Variants in UGT2A1 observed in about 807,000 individuals in gnomAD.
UGT2A1 encodes UDP-glucuronosyltransferase 2A1.
Under a neutral mutation model 45.4 loss-of-function variants are expected in UGT2A1, and 61 were observed. The ratio of observed to expected loss-of-function variants is 1.34; its 90% CI spans 1.09 to 1.66. The LOEUF is 1.66. UGT2A1 is among the 40% of genes most tolerant of loss of function. UGT2A1 has a pLI of 0.00. For missense variants in UGT2A1, 649 were observed against 574.3 expected (o/e 1.13, Z -1.33); for synonymous variants, 229 against 196.2 (o/e 1.17, Z -1.40).
intron 6 of UGT2A1, among the ~76,000 whole-genome samples, chr4:69,590,563 T>C (rs528968405): frequency 2.0e-5 from 3 of 152,106 alleles, no homozygotes; most frequent in East Asian, 1.9e-4. Flanking sequence ...GACTGGGGAA[T>C]GGGGAACATG....
At chr4:69,639,780 T>G in intron 2 of UGT2A1, 1 of 838,700 alleles carries the variant, frequency 1.2e-6, no homozygotes. Context: ...AATAATATAA[T>G]TCAAATTCCT....
intron 2 of UGT2A1, among the ~76,000 whole-genome samples, chr4:69,646,367 C>T (rs1722258630): frequency 6.6e-6 from 1 of 151,824 alleles, no homozygotes; most frequent in African/African-American, 2.4e-5. Context: ...CCATATCACA[C>T]TTAAGCAAAT....
chr4:69,637,349 T>C (rs1721768723), intron 2 of UGT2A1, among the ~76,000 whole-genome samples: 3 of 151,974 alleles, frequency 2.0e-5, no homozygotes. Flanking sequence ...AACTTTTTGA[T>C]AAAAAAAATT....
chr4:69,619,329 GT>G (rs563939351), intron 3 of UGT2A1, among the ~76,000 whole-genome samples: 1 of 151,846 alleles, frequency 6.6e-6, no homozygotes, highest in Non-Finnish European at 1.5e-5. Context: ...AGCCTGGGAG[GT>G]TGAGACTACA....
intron 2 of UGT2A1, among the ~76,000 whole-genome samples, chr4:69,637,389 G>T (rs979635001): frequency 5.9e-5 from 9 of 151,960 alleles, no homozygotes; most frequent in African/African-American, 2.2e-4. Context: ...ATCAAGAGAA[G>T]AAAAAAGATA....
At chr4:69,627,490 A>G (rs1280582930) in intron 3 of UGT2A1, among the ~76,000 whole-genome samples, 1 of 149,842 alleles carries the variant, frequency 6.7e-6, no homozygotes, top group Non-Finnish European at 1.5e-5. Flanking sequence ...GCAGGCAGGC[A>G]TGCAGGAAGG....
chr4:69,617,899 C>T (rs1019786206), intron 3 of UGT2A1, among the ~76,000 whole-genome samples: 6 of 151,588 alleles, frequency 4.0e-5, no homozygotes, highest in Admixed American at 2.0e-4. Context: ...GAAACAAAAC[C>T]GACACAGTAA....
At chr4:69,602,441 A>T (rs1306150169) in intron 3 of UGT2A1, among the ~76,000 whole-genome samples, 2 of 119,974 alleles carry the variant, frequency 1.7e-5, no homozygotes, top group Non-Finnish European at 3.5e-5. Flanking sequence ...AACAATTTTT[A>T]GAATAACAAA....
intron 3 of UGT2A1, among the ~76,000 whole-genome samples, chr4:69,633,935 A>C (rs934852341): frequency 2.6e-5 from 4 of 152,104 alleles, no homozygotes; most frequent in African/African-American, 9.7e-5. Context: ...TATGTTTTGC[A>C]GAAAGAATAT....
intron 3 of UGT2A1, among the ~76,000 whole-genome samples, chr4:69,619,322 C>T (rs938596066): frequency 1.3e-5 from 2 of 151,770 alleles, no homozygotes; most frequent in Non-Finnish European, 2.9e-5. Flanking sequence ...TTGCTTGAGC[C>T]TGGGAGGTTG....
chr4:69,598,561 T>A (rs1719069125), intron 4 of UGT2A1, among the ~76,000 whole-genome samples: 1 of 152,184 alleles, frequency 6.6e-6, no homozygotes, highest in Admixed American at 6.5e-5. Context: ...AGCTACTTTA[T>A]GCTGATGAAT....
intron 3 of UGT2A1, among the ~76,000 whole-genome samples, chr4:69,613,345 T>G (rs1214373099): frequency 1.3e-5 from 2 of 151,894 alleles, no homozygotes; most frequent in Non-Finnish European, 2.9e-5. Flanking sequence ...TGATAAAAAT[T>G]CTCCTATCCA....
chr4:69,597,158 GTA>G (rs1354931309), intron 4 of UGT2A1, among the ~76,000 whole-genome samples: 1 of 152,110 alleles, frequency 6.6e-6, no homozygotes, highest in African/African-American at 2.4e-5. Flanking sequence ...TTTCTCAACT[GTA>G]TGCCTCCTTT....
intron 3 of UGT2A1, among the ~76,000 whole-genome samples, chr4:69,612,922 T>C (rs1476337476): frequency 1.6e-5 from 2 of 123,656 alleles, no homozygotes; most frequent in Admixed American, 7.9e-5. Context: ...AAAAAAAAAC[T>C]ATCCAGAGAG....
In UGT2A1 at chr4:69,637,551, C is replaced by T. The variant is rs182177207; in HGVS notation, c.716-1729G>A. ...CCTCCAGGGATCTTATGGATTCTGA[C>T]TTTCACTTCCCTCAGGTCTTTGGCC... On this transcript the variant is annotated intron_variant, in intron 2 of 6. Transcript: ENST00000286604. Among the ~76,000 whole-genome samples, 400 of 152,252 alleles carry T rather than the reference C, an allele frequency of 2.6e-3. 3 individuals carry two copies. The highest frequency in any genetic ancestry group is 1.7e-3 in the Non-Finnish European group (117 of 68,000).
At chr4:69,621,519 G>A (rs1720757049) in intron 3 of UGT2A1, among the ~76,000 whole-genome samples, 1 of 151,928 alleles carries the variant, frequency 6.6e-6, no homozygotes, top group Admixed American at 6.6e-5. Flanking sequence ...TGGCGAGGTT[G>A]CAGAGAAAAG....
At chr4:69,610,218 A>G (rs1194147394) in intron 3 of UGT2A1, among the ~76,000 whole-genome samples, 1 of 150,352 alleles carries the variant, frequency 6.7e-6, no homozygotes, top group African/African-American at 2.5e-5. Context: ...TCATGAGTCA[A>G]TCTTGCATTG....
intron 3 of UGT2A1, among the ~76,000 whole-genome samples, chr4:69,611,298 C>CTTTTTTTTTTTTTTTTTT (rs1287210111): frequency 3.5e-4 from 52 of 149,488 alleles, no homozygotes; most frequent in Middle Eastern, 3.5e-3. Flanking sequence ...TCCAGCTATT[C>CTTTTTTTTTTTTTTTTTT]TTAATGCTAT....
chr4:69,600,044 T>G (rs1324229005), intron 3 of UGT2A1, among the ~76,000 whole-genome samples: 7 of 151,926 alleles, frequency 4.6e-5, no homozygotes, highest in African/African-American at 1.7e-4. Context: ...CACAGAAACT[T>G]AACAGAAAAA....
Sources: gnomAD v4.1 joint callset for allele counts (sites outside exome capture counted in the v4.1 genomes callset) on GRCh38, gnomAD v4.1.1 for gene constraint, MANE v1.5 for transcripts, NCBI Gene and HGNC (gene_info 2026-07-23, HGNC 2026-07-21) for gene names.